Variants in USP28 observed in about 807,000 individuals in gnomAD.
USP28 encodes ubiquitin carboxyl-terminal hydrolase 28.
USP28 carries 113 observed loss-of-function variants against 145.0 expected under a neutral mutation model. That is an observed-to-expected ratio of 0.78 (90% CI 0.67 to 0.91). The LOEUF (loss-of-function observed/expected upper bound fraction) is 0.91, where lower values mean the gene tolerates loss of function less well. USP28 is among the 40% of genes least tolerant of loss of function. The pLI is 0.00. For synonymous variants in USP28, 447 were observed against 450.9 expected, an observed-to-expected ratio of 0.99 and a Z score of 0.11; for missense variants, 1,201 against 1,289.6, an observed-to-expected ratio of 0.93 and a Z score of 1.05.
intron 1 of USP28, among the ~76,000 whole-genome samples, chr11:113,868,797 T>G (rs1480458463): frequency 1.3e-5 from 2 of 151,002 alleles, no homozygotes; most frequent in African/African-American, 4.9e-5. Flanking sequence ...GTGGCACATG[T>G]CTGTAGTTCC....
At position 113,804,655 on chromosome 11, in the gene USP28, T is replaced by G; in HGVS notation, c.2658+18A>C. 1 of 1,606,488 alleles carries G rather than the reference T, an allele frequency of 6.2e-7. No homozygotes were observed. Among genetic ancestry groups the G allele is most frequent in the Non-Finnish European group, 8.5e-7 (1 of 1,177,596 alleles). On this transcript the variant is annotated intron_variant, in intron 21 of 24. Transcript: ENST00000003302. ...GAATTAATGTTTTTGCTCTATAGAC[T>G]TAAAGAAAACACTTTACCTTGTACT...
rs76959698 is a variant in USP28 at position 113,817,646 on chromosome 11, T to A, written c.1463+12A>T. On this transcript the variant is annotated intron_variant, in intron 13 of 24. Coordinates refer to ENST00000003302, the Ensembl canonical transcript of USP28. ...ACAATACATACCATTAAAAAAAAAATGTTTTCATTACCTTTCCTTGGATGT... is the reference window on the plus strand; with the variant it reads ...ACAATACATACCATTAAAAAAAAAAAGTTTTCATTACCTTTCCTTGGATGT... The A allele has an allele frequency of 2.4e-5, 38 of 1,602,980 alleles. No homozygotes were observed. The East Asian group carries it at 2.5e-4, about 10-fold the overall frequency.
exon 14 of USP28, chr11:113,815,290 C>A (rs769304445): frequency 1.2e-6 from 2 of 1,613,980 alleles, no homozygotes; most frequent in Non-Finnish European, 1.7e-6. Context: ...CATGGAAGAC[C>A]GAGAAGATGT....
chr11:113,812,076 G>A (rs1002611598), intron 16 of USP28, among the ~76,000 whole-genome samples, 200 bp downstream of exon 16: 1 of 152,192 alleles, frequency 6.6e-6, no homozygotes, highest in Non-Finnish European at 1.5e-5. Flanking sequence ...CTTGTTGGGA[G>A]TGGGACCCAT....
chr11:113,812,354 CTCTT>C lies in USP28; in HGVS notation c.1890_1893del (p.Arg631IlefsTer6). The C allele has an allele frequency of 6.2e-7, 1 of 1,614,134 alleles. No individual in the cohort carries two copies. The highest frequency in any genetic ancestry group is 8.5e-7 in the Non-Finnish European group (1 of 1,180,018). On this transcript the variant is annotated frameshift_variant, in exon 16 of 25. Transcript: ENST00000003302. LOFTEE classifies it high-confidence loss of function. ...ACATTTCTCAGGCCTCCATAGGAAT[CTCTT>C]TCAACTTCTTCCCAGGAAGATTCAG...
intron 18 of USP28, among the ~76,000 whole-genome samples, 184 bp downstream of exon 19, chr11:113,807,767 A>C (rs928659944): frequency 2.6e-5 from 4 of 152,166 alleles, no homozygotes; most frequent in African/African-American, 9.7e-5. Context: ...TGGGAGCGCT[A>C]TACAATAGAA....
chr11:113,875,466 G>T, exon 1 of USP28: 1 of 1,236,556 alleles, frequency 8.1e-7, no homozygotes, highest in East Asian at 3.9e-5. Flanking sequence ...CGTCTGCCGC[G>T]CCGGCCGCGT....
At chr11:113,867,811 GAGGGAGGGAGGA>G (rs1240751280) in intron 1 of USP28, among the ~76,000 whole-genome samples, 22 of 146,396 alleles carry the variant, frequency 1.5e-4, no homozygotes, top group African/African-American at 2.3e-4. Context: ...AGGGGGGAGG[GAGGGAGGGAGGA>G]AGGGAGGGAG....
intron 1 of USP28, among the ~76,000 whole-genome samples, chr11:113,867,525 A>T (rs1325096291): frequency 6.6e-6 from 1 of 151,646 alleles, no homozygotes; most frequent in Admixed American, 6.6e-5. Flanking sequence ...ACCCAGCCCC[A>T]CTTTAAAATA....
At chr11:113,804,999 G>A (rs779061916) in exon 20 of USP28, 15 of 1,613,932 alleles carry the variant, frequency 9.3e-6, no homozygotes, top group Non-Finnish European at 2.5e-6. Flanking sequence ...GAGAGGTGGG[G>A]GTCTCTTTGG....
chr11:113,865,969 G>T (rs1948209389), intron 1 of USP28, among the ~76,000 whole-genome samples: 2 of 152,138 alleles, frequency 1.3e-5, no homozygotes. Context: ...ACAAATTCAA[G>T]AAATAAACAC....
At chr11:113,812,422 G>A (rs1054580935) in exon 16 of USP28, 1 of 1,613,952 alleles carries the variant, frequency 6.2e-7, no homozygotes, top group African/African-American at 1.3e-5. Context: ...GCTCTGTCGG[G>A]GTTGATTATA....
At chr11:113,852,948 T>A (rs1190141855) in intron 2 of USP28, among the ~76,000 whole-genome samples, 1 of 151,792 alleles carries the variant, frequency 6.6e-6, no homozygotes, top group Non-Finnish European at 1.5e-5. Flanking sequence ...GCACGATGTG[T>A]CAAAAAAGGG....
intron 17 of USP28, among the ~76,000 whole-genome samples, chr11:113,808,689 T>G (rs17116003): frequency 0.01 from 1,545 of 152,322 alleles, 34 homozygotes; most frequent in African/African-American, 0.036. Flanking sequence ...CTCCCAACTT[T>G]GTCATATTTC....
chr11:113,860,237 A>G (rs917168020), intron 1 of USP28, among the ~76,000 whole-genome samples: 1 of 152,192 alleles, frequency 6.6e-6, no homozygotes, highest in Non-Finnish European at 1.5e-5. Context: ...TCAAACAGTG[A>G]TGCTATTTTC....
chr11:113,862,763 A>G (rs1476104801), intron 1 of USP28, among the ~76,000 whole-genome samples: 1 of 152,224 alleles, frequency 6.6e-6, no homozygotes, highest in Admixed American at 6.5e-5. Flanking sequence ...GATATACCAC[A>G]CCAACAGAAT....
At chr11:113,826,255 C>T (rs1362344560) in intron 11 of USP28, among the ~76,000 whole-genome samples, 1 of 144,582 alleles carries the variant, frequency 6.9e-6, no homozygotes, top group Non-Finnish European at 1.5e-5. Flanking sequence ...TGCATTCCAG[C>T]CTGGGCAACA....
chr11:113,870,389 C>T (rs1266510754), intron 1 of USP28, among the ~76,000 whole-genome samples: 1 of 151,790 alleles, frequency 6.6e-6, no homozygotes. Flanking sequence ...CAGCCAAGTG[C>T]GGTGATGCAC....
chr11:113,856,620 C>T (rs571544078), intron 1 of USP28, among the ~76,000 whole-genome samples: 7 of 152,250 alleles, frequency 4.6e-5, no homozygotes, highest in South Asian at 2.1e-4. Context: ...CACTATACCA[C>T]GCTGTATCTG....
Sources: gnomAD v4.1 joint callset for allele counts (sites outside exome capture counted in the v4.1 genomes callset) on GRCh38, gnomAD v4.1.1 for gene constraint, MANE v1.5 for transcripts, NCBI Gene and HGNC (gene_info 2026-07-23, HGNC 2026-07-21) for gene names.